The following PDHX variants were observed in gnomAD, a reference collection of about 807,000 sequenced individuals.
The protein encoded by PDHX is pyruvate dehydrogenase protein X component, mitochondrial.
In PDHX, 33 loss-of-function variants were observed where a neutral mutation model predicts 55.3. That is an observed-to-expected ratio of 0.60 (90% CI 0.45 to 0.80). PDHX has a LOEUF of 0.80. Among genes scored for constraint, PDHX ranks in the 30% least tolerant of loss-of-function variants. PDHX has a pLI of 0.00. For synonymous variants in PDHX, 226 were observed against 219.4 expected (o/e 1.03, Z -0.27); for missense variants, 622 against 619.9 (o/e 1.00, Z -0.04).
upstream of PDHX, chr11:34,916,521 G>C: frequency 6.9e-7 from 1 of 1,451,394 alleles, no homozygotes; most frequent in Non-Finnish European, 9.0e-7. Context: ...GGGCTGGGTT[G>C]GGGGGCGGGG....
At chr11:34,961,660 T>C (rs2133976534) in intron 5 of PDHX, among the ~76,000 whole-genome samples, 1 of 152,356 alleles carries the variant, frequency 6.6e-6, no homozygotes, top group South Asian at 2.1e-4. Flanking sequence ...TGGGTGTTTA[T>C]TTTATTGAAA....
At chr11:34,945,705 C>T (rs1854605069) in intron 2 of PDHX, among the ~76,000 whole-genome samples, 1 of 152,002 alleles carries the variant, frequency 6.6e-6, no homozygotes, top group African/African-American at 2.4e-5. Context: ...AATATGGATT[C>T]ATGTTTATAT....
intron 3 of PDHX, among the ~76,000 whole-genome samples, chr11:34,956,619 G>A (rs1181061369): frequency 2.0e-5 from 3 of 151,976 alleles, no homozygotes; most frequent in Non-Finnish European, 4.4e-5. Context: ...AATTAATGCT[G>A]CTGAAATGCT....
chr11:34,975,884 G>C (rs1008493129), intron 7 of PDHX, among the ~76,000 whole-genome samples: 2 of 152,108 alleles, frequency 1.3e-5, no homozygotes, highest in Admixed American at 1.3e-4. Context: ...ACTTTTATCA[G>C]TTTATATACA....
rs183967077 is a variant in PDHX, at chr11:34,917,476, A to G, written c.160+661A>G. Among the ~76,000 whole-genome samples the G allele has an allele frequency of 7.0e-4, 107 of 152,316 alleles. 1 individual carries two copies. The highest frequency in any genetic ancestry group is 2.9e-5 in the Non-Finnish European group (2 of 68,014). On this transcript the variant is annotated intron_variant, in intron 1 of 10. Coordinates refer to ENST00000227868, the MANE Select transcript of PDHX (RefSeq NM_003477.3). ...TTGATGCAGTTAACACAATTCTTGC[A>G]GTATTTAACAGTATGCAAAATGGCA...
chr11:34,988,663 G>T (rs762974663), intron 9 of PDHX, among the ~76,000 whole-genome samples: 5 of 151,940 alleles, frequency 3.3e-5, no homozygotes, highest in Non-Finnish European at 5.9e-5. Flanking sequence ...ACCATAATTA[G>T]TTGATTCACC....
At chr11:34,946,259 C>A (rs1028017286) in intron 2 of PDHX, among the ~76,000 whole-genome samples, 1 of 151,742 alleles carries the variant, frequency 6.6e-6, no homozygotes, top group Non-Finnish European at 1.5e-5. Flanking sequence ...ATTTCTAATT[C>A]GTTTTTTTAT....
intron 1 of PDHX, among the ~76,000 whole-genome samples, chr11:34,922,864 T>TTGTGTGTGTGTGTGTG (rs60096111): frequency 5.1e-4 from 73 of 143,462 alleles, no homozygotes; most frequent in African/African-American, 1.5e-3. Context: ...CAAAGTATCG[T>TTGTGTGTGTGTGTGTG]TGTGTGTGTG....
intron 1 of PDHX, among the ~76,000 whole-genome samples, chr11:34,923,784 C>T (rs1256042590): frequency 6.6e-6 from 1 of 152,156 alleles, no homozygotes; most frequent in South Asian, 2.1e-4. Flanking sequence ...GCTAGGATAA[C>T]AAGTGTTCAG....
At chr11:34,964,698 C>A (rs1305822146) in intron 5 of PDHX, among the ~76,000 whole-genome samples, 1 of 148,338 alleles carries the variant, frequency 6.7e-6, no homozygotes, top group African/African-American at 2.6e-5. Flanking sequence ...ACCCAAGAAC[C>A]TTAATTACTA....
At chr11:34,923,325 G>A (rs1257097865) in intron 1 of PDHX, among the ~76,000 whole-genome samples, 1 of 152,118 alleles carries the variant, frequency 6.6e-6, no homozygotes, top group Non-Finnish European at 1.5e-5. Flanking sequence ...ATTAGGATCA[G>A]CAAATGTATA....
At chr11:34,921,832 TTCTG>T (rs1256135625) in intron 1 of PDHX, among the ~76,000 whole-genome samples, 1 of 152,334 alleles carries the variant, frequency 6.6e-6, no homozygotes, top group South Asian at 2.1e-4. Flanking sequence ...AAGGATTTTA[TTCTG>T]TCTATGAAAG....
chr11:34,934,848 G>A (rs1270482888), intron 2 of PDHX, among the ~76,000 whole-genome samples: 1 of 151,652 alleles, frequency 6.6e-6, no homozygotes, highest in Non-Finnish European at 1.5e-5. Context: ...CAAAGTGCTA[G>A]GATTACAGGC....
At chr11:34,952,316 G>A (rs1007129170) in intron 3 of PDHX, among the ~76,000 whole-genome samples, 11 of 151,994 alleles carry the variant, frequency 7.2e-5, no homozygotes, top group African/African-American at 2.7e-4. Flanking sequence ...TAGAAAAAGA[G>A]GGAATCCTCC....
rs574867436 is a variant in PDHX, at chr11:34,981,749, T to G, written c.1024-2821T>G. 4.3e-3 allele frequency among the ~76,000 whole-genome samples: 642 copies of G among 150,912 alleles called. 4 individuals are homozygous for G. The highest frequency in any genetic ancestry group is 0.015 in the African/African-American group (610 of 40,184). ...TTTTGATTTGCATTTCTTTGATGAC[T>G]AGTGATGATGAGCATTTTTTCATGT... On this transcript the variant is annotated intron_variant, in intron 8 of 10. Transcript: ENST00000227868.
chr11:34,939,504 T>TGTGTGCGC (rs1491574898), intron 2 of PDHX, among the ~76,000 whole-genome samples: 118 of 148,512 alleles, frequency 7.9e-4, no homozygotes, highest in African/African-American at 2.8e-3. Flanking sequence ...TGTGTGTGTG[T>TGTGTGCGC]GCACTTGCAT....
chr11:34,964,463 G>A (rs1207930248), intron 5 of PDHX, among the ~76,000 whole-genome samples: 1 of 152,096 alleles, frequency 6.6e-6, no homozygotes, highest in Non-Finnish European at 1.5e-5. Context: ...AATTAGCCAG[G>A]CGTGGTGATG....
At chr11:34,921,855 T>A (rs1280380683) in intron 1 of PDHX, among the ~76,000 whole-genome samples, 2 of 152,212 alleles carry the variant, frequency 1.3e-5, no homozygotes, top group Non-Finnish European at 2.9e-5. Context: ...AGCAGGGTAT[T>A]AGAAGTAGCC....
rs543696996 is a variant in PDHX at position 34,931,499 on chromosome 11, T to A, written c.241+15T>A. On this transcript the variant is annotated intron_variant, in intron 2 of 10. Transcript: ENST00000227868. ...GAAAAAGGAAGGTGAGGAGGTACCT[T>A]CCTAATGTCCTGTGTGCTTTGTTAT... 3 of 1,443,596 alleles carry A rather than the reference T, an allele frequency of 2.1e-6. No individual in the cohort carries two copies. Among genetic ancestry groups the A allele is most frequent in the African/African-American group, 2.8e-5 (2 of 70,562 alleles). The allele number at this position is 1,443,596 out of a possible 1,614,324, so 89.4% of individuals were successfully genotyped here. A position where few individuals can be genotyped will look rare whatever the true frequency, so the allele number is the denominator to read the frequency against.
Sources: allele counts gnomAD v4.1 joint callset (sites outside exome capture counted in the v4.1 genomes callset), GRCh38; gene constraint gnomAD v4.1.1; transcripts MANE v1.5; gene names NCBI Gene and HGNC (gene_info 2026-07-23, HGNC 2026-07-21).